UFSP2: variants seen among roughly 807,000 people sequenced by gnomAD.
UFSP2 encodes UFM1 specific peptidase 2.
UFSP2 carries 43 observed loss-of-function variants against 60.2 expected under a neutral mutation model. That is an observed-to-expected ratio of 0.71 (90% CI 0.56 to 0.92). The LOEUF (loss-of-function observed/expected upper bound fraction) is 0.92, where lower values mean the gene tolerates loss of function less well. UFSP2 is among the 40% of genes least tolerant of loss of function. UFSP2 has a pLI of 0.00. For missense variants in UFSP2, 520 were observed against 575.0 expected (o/e 0.90, Z 0.98); for synonymous variants, 183 against 195.1 (o/e 0.94, Z 0.52).
chr4:185,405,642 A>C, intron 10 of UFSP2, 138 bp downstream of exon 10: 3 of 864,008 alleles, frequency 3.5e-6, no homozygotes, highest in Non-Finnish European at 3.5e-6. Flanking sequence ...TTCAATATCC[A>C]GAGATCCATA....
chr4:185,420,847 T>C (rs990887412), intron 2 of UFSP2, among the ~76,000 whole-genome samples: 1 of 152,338 alleles, frequency 6.6e-6, no homozygotes, highest in South Asian at 2.1e-4. Flanking sequence ...GAAGACAAGT[T>C]CAAATATATT....
intron 4 of UFSP2, among the ~76,000 whole-genome samples, chr4:185,417,003 A>G (rs1287694123): frequency 6.6e-6 from 1 of 152,234 alleles, no homozygotes; most frequent in African/African-American, 2.4e-5. Context: ...AGTAAGATAC[A>G]TATGTAGTTT....
At chr4:185,404,811 C>G (rs1181333756) in intron 10 of UFSP2, among the ~76,000 whole-genome samples, 3 of 151,994 alleles carry the variant, frequency 2.0e-5, no homozygotes, top group Admixed American at 2.0e-4. Flanking sequence ...GTCTCGAACT[C>G]TTGGCCTCAA....
chr4:185,415,115 T>A (rs1333361032), intron 6 of UFSP2, 40 bp downstream of exon 6: 1 of 1,456,762 alleles, frequency 6.9e-7, no homozygotes, highest in Non-Finnish European at 9.3e-7. Flanking sequence ...TGAATGATAG[T>A]CATTATTGTT....
chr4:185,400,720 G>A (rs1184220977), intron 11 of UFSP2: 3 of 367,934 alleles, frequency 8.2e-6, no homozygotes, highest in Non-Finnish European at 1.5e-5. Flanking sequence ...AAATTTACCT[G>A]TAACTGTTAT....
At position 185,403,586 on chromosome 4, in the gene UFSP2, C is replaced by T. The variant is rs1317128152; in HGVS notation, c.1231G>A (p.Val411Ile). The T allele has an allele frequency of 1.2e-6, 2 of 1,614,058 alleles. No individual in the cohort carries two copies. ...TGCCCTGTAATCTCATTCCATGCAA[C>T]TCCTAGTATTGTGTGGGCCAAAACT... Reference protein sequence around the residue: ...GGVLAHTILGVAWNEITGQIK... With the variant: ...GGVLAHTILGIAWNEITGQIK... The change falls in exon 11 of 12, where the codon GTT (valine) becomes ATT (isoleucine). Residue 411 changes from valine to isoleucine, a missense_variant. By Grantham distance (29) the Val-to-Ile change is conservative. Coordinates refer to ENST00000264689, the MANE Select transcript of UFSP2 (RefSeq NM_018359.5).
At chr4:185,411,396 C>T (rs2095529088) in intron 7 of UFSP2, among the ~76,000 whole-genome samples, 1 of 151,882 alleles carries the variant, frequency 6.6e-6, no homozygotes, top group South Asian at 2.1e-4. Context: ...GAACATTAAC[C>T]TAACTAATTT....
chr4:185,409,754 G>A (rs1209647136), intron 7 of UFSP2, among the ~76,000 whole-genome samples: 2 of 152,232 alleles, frequency 1.3e-5, no homozygotes, highest in East Asian at 3.8e-4. Context: ...AGGATCTTAA[G>A]ATGGGGAGGT....
intron 4 of UFSP2, chr4:185,416,094 G>C (rs2095538228): frequency 5.7e-6 from 2 of 352,246 alleles, no homozygotes; most frequent in Non-Finnish European, 1.0e-5. Flanking sequence ...GCCAGTAGAA[G>C]GACTTTTAAA....
At chr4:185,401,346 TATTA>T (rs1443460390) in intron 11 of UFSP2, among the ~76,000 whole-genome samples, 1 of 152,232 alleles carries the variant, frequency 6.6e-6, no homozygotes, top group Non-Finnish European at 1.5e-5. Context: ...AAACTTTCTC[TATTA>T]ATTTAATGTC....
intron 10 of UFSP2, among the ~76,000 whole-genome samples, chr4:185,404,261 T>C (rs539062603): frequency 1.8e-4 from 27 of 151,208 alleles, no homozygotes; most frequent in African/African-American, 5.6e-4. Context: ...TGCCTCTGAG[T>C]ACCTCCAGTG....
At chr4:185,417,905 A>G (rs1051677649) in intron 4 of UFSP2, among the ~76,000 whole-genome samples, 11 of 152,088 alleles carry the variant, frequency 7.2e-5, no homozygotes, top group African/African-American at 2.7e-4. Flanking sequence ...TTAGCTGGGC[A>G]TGGTGGCAGG....
At chr4:185,420,760 A>G (rs902031043) in intron 2 of UFSP2, among the ~76,000 whole-genome samples, 75 of 152,210 alleles carry the variant, frequency 4.9e-4, no homozygotes, top group African/African-American at 1.8e-3. Context: ...TCCATTCTCT[A>G]TATTTTCTGA....
At chr4:185,411,635 T>A (rs1479775406) in intron 7 of UFSP2, among the ~76,000 whole-genome samples, 2 of 152,180 alleles carry the variant, frequency 1.3e-5, no homozygotes, top group African/African-American at 4.8e-5. Context: ...GTAAATAATA[T>A]ATCTATAATT....
At chr4:185,414,322 A>G (rs982542021) in intron 6 of UFSP2, among the ~76,000 whole-genome samples, 1 of 152,240 alleles carries the variant, frequency 6.6e-6, no homozygotes, top group African/African-American at 2.4e-5. Flanking sequence ...TAAACTACAG[A>G]GTAGAAGTTA....
chr4:185,421,421 C>T (rs895411095), intron 2 of UFSP2, among the ~76,000 whole-genome samples: 2 of 152,166 alleles, frequency 1.3e-5, no homozygotes, highest in Non-Finnish European at 2.9e-5. Context: ...ATCATGATCC[C>T]TCATGAATGG....
chr4:185,413,600 G>T, intron 7 of UFSP2, 126 bp downstream of exon 7: 2 of 955,338 alleles, frequency 2.1e-6, no homozygotes, highest in Non-Finnish European at 1.5e-6. Context: ...TGTTAACAGA[G>T]ATGGGTGATA....
intron 10 of UFSP2, 88 bp from the exon 11 acceptor site, chr4:185,403,706 C>G (rs954586020): frequency 6.7e-7 from 1 of 1,496,296 alleles, no homozygotes; most frequent in Non-Finnish European, 8.9e-7. Context: ...TACGGCCGGG[C>G]GTGGTGGCTC....
chr4:185,424,366 T>A (rs1383875494), intron 1 of UFSP2, among the ~76,000 whole-genome samples: 1 of 152,168 alleles, frequency 6.6e-6, no homozygotes, highest in Admixed American at 6.5e-5. Context: ...ACATACATAC[T>A]TACTCCAATC....
Sources: gnomAD v4.1 joint callset for allele counts (sites outside exome capture counted in the v4.1 genomes callset) on GRCh38, gnomAD v4.1.1 for gene constraint, MANE v1.5 for transcripts, NCBI Gene and HGNC (gene_info 2026-07-23, HGNC 2026-07-21) for gene names.